The following ZFHX3 variants were observed in gnomAD, a reference collection of about 807,000 sequenced individuals.
The protein encoded by ZFHX3 is zinc finger homeobox protein 3.
ZFHX3 carries 42 observed loss-of-function variants against 279.1 expected under a neutral mutation model. That is an observed-to-expected ratio of 0.15 (90% CI 0.12 to 0.19). ZFHX3 has a LOEUF of 0.19. Among genes scored for constraint, ZFHX3 ranks in the 10% least tolerant of loss-of-function variants. ZFHX3 has a pLI of 1.00. For synonymous variants in ZFHX3, 2,293 were observed against 1,957.8 expected, an observed-to-expected ratio of 1.17 and a Z score of -4.52; for missense variants, 4,981 against 4,754.0, an observed-to-expected ratio of 1.05 and a Z score of -1.40.
intron 7 of ZFHX3, among the ~76,000 whole-genome samples, chr16:72,810,134 T>C (rs1401715382): frequency 6.6e-6 from 1 of 152,120 alleles, no homozygotes; most frequent in Non-Finnish European, 1.5e-5. Flanking sequence ...TCCACCCACC[T>C]TGGCCTCCCA....
intron 2 of ZFHX3, among the ~76,000 whole-genome samples, chr16:73,473,076 CATGCCTCT>C (rs1396058937): frequency 6.6e-6 from 1 of 151,170 alleles, no homozygotes; most frequent in Non-Finnish European, 1.5e-5. Flanking sequence ...CACAGTGGCT[CATGCCTCT>C]ATTCCCACCA....
chr16:73,024,591 C>T (rs150959132), intron 1 of ZFHX3, among the ~76,000 whole-genome samples: 4 of 152,348 alleles, frequency 2.6e-5, no homozygotes, highest in Non-Finnish European at 5.9e-5. Context: ...AAAACGAAAT[C>T]TCACCAGCAC....
At chr16:73,608,821 TA>T (rs988475745) in intron 2 of ZFHX3, 2 of 152,102 alleles carry the variant, frequency 1.3e-5, no homozygotes, top group African/African-American at 4.8e-5. Context: ...AAGGTATTTT[TA>T]AAAAAACAAC....
At chr16:73,053,595 G>C (rs4788697) in intron 1 of ZFHX3, among the ~76,000 whole-genome samples, 1 of 151,852 alleles carries the variant, frequency 6.6e-6, no homozygotes, top group Non-Finnish European at 1.5e-5. Flanking sequence ...GAATCACTGC[G>C]TGCCATGAAA....
intron 1 of ZFHX3, among the ~76,000 whole-genome samples, chr16:73,782,446 A>G (rs184434062): frequency 6.6e-6 from 1 of 152,336 alleles, no homozygotes; most frequent in Admixed American, 6.5e-5. Flanking sequence ...ATGAGCAGCT[A>G]TTTAAGGTCC....
intron 2 of ZFHX3, among the ~76,000 whole-genome samples, chr16:73,470,399 G>C (rs1022163238): frequency 3.9e-5 from 6 of 152,146 alleles, no homozygotes; most frequent in African/African-American, 1.2e-4. Flanking sequence ...TTAGCGTGTT[G>C]TCTGCTAAAC....
chr16:73,469,647 T>C (rs1383429514), intron 2 of ZFHX3, among the ~76,000 whole-genome samples: 3 of 151,820 alleles, frequency 2.0e-5, no homozygotes, highest in Non-Finnish European at 4.4e-5. Context: ...AGACAGAATC[T>C]CACTCTGTCA....
intron 3 of ZFHX3, among the ~76,000 whole-genome samples, chr16:72,905,530 C>T (rs1036246707): frequency 6.6e-6 from 1 of 152,102 alleles, no homozygotes; most frequent in Non-Finnish European, 1.5e-5. Flanking sequence ...ATCTGAGCAC[C>T]ATCGAGACGA....
At chr16:73,799,648 T>G (rs1199163795) in intron 1 of ZFHX3, among the ~76,000 whole-genome samples, 1 of 152,140 alleles carries the variant, frequency 6.6e-6, no homozygotes, top group Non-Finnish European at 1.5e-5. Context: ...AAGAAAGGGA[T>G]GCAGGAAAGC....
intron 1 of ZFHX3, among the ~76,000 whole-genome samples, chr16:73,780,250 TGA>T (rs1959419659): frequency 6.8e-6 from 1 of 147,282 alleles, no homozygotes. Context: ...TGGGTTCAAG[TGA>T]TTCTTGTGCC....
chr16:73,433,004 T>C (rs1567482572), intron 3 of ZFHX3, among the ~76,000 whole-genome samples: 1 of 152,194 alleles, frequency 6.6e-6, no homozygotes, highest in Non-Finnish European at 1.5e-5. Flanking sequence ...GAATAACTCC[T>C]GGCCAAGCCA....
At chr16:73,703,162 C>T (rs1273360002) in intron 1 of ZFHX3, among the ~76,000 whole-genome samples, 3 of 152,144 alleles carry the variant, frequency 2.0e-5, no homozygotes, top group Non-Finnish European at 4.4e-5. Context: ...GCTTTCCTGC[C>T]TCTTTTGTTT....
At chr16:72,836,571 G>A (rs1041297043) in intron 4 of ZFHX3, among the ~76,000 whole-genome samples, 1 of 151,986 alleles carries the variant, frequency 6.6e-6, no homozygotes, top group South Asian at 2.1e-4. Flanking sequence ...CTTAGTAAAG[G>A]TGACTGCATG....
intron 3 of ZFHX3, among the ~76,000 whole-genome samples, chr16:73,441,948 C>T (rs1041989108): frequency 3.3e-5 from 5 of 152,244 alleles, no homozygotes; most frequent in East Asian, 1.9e-4. Flanking sequence ...TGGTGGAATG[C>T]GACATCGTGT....
intron 1 of ZFHX3, among the ~76,000 whole-genome samples, chr16:73,804,878 C>T (rs1960232500): frequency 1.5e-5 from 2 of 130,664 alleles, no homozygotes; most frequent in Non-Finnish European, 3.1e-5. Context: ...ACACCACACA[C>T]ACACACCCAC....
chr16:73,023,660 C>T lies in ZFHX3; in HGVS notation c.-50+24092G>A, dbSNP rs561028976. The stretch of plus-strand genomic sequence containing the variant: ...GTAGGACCCTCTGCTTTGCAGAAAA[C>T]CAGCGCTTAGAAAAGGCTTAAAGTG... On this transcript the variant is annotated intron_variant, in intron 1 of 9. Transcript: ENST00000268489. Among the ~76,000 whole-genome samples the T allele has an allele frequency of 2.0e-5, 3 of 152,232 alleles. No individual in the cohort carries two copies. In the South Asian group the frequency reaches 6.2e-4, roughly 32 times the overall value.
intron 4 of ZFHX3, among the ~76,000 whole-genome samples, chr16:73,292,928 C>G (rs767581501): frequency 6.6e-6 from 1 of 152,226 alleles, no homozygotes; most frequent in Non-Finnish European, 1.5e-5. Flanking sequence ...GGTAGACAGT[C>G]TGCTGACAGT....
intron 4 of ZFHX3, among the ~76,000 whole-genome samples, chr16:73,282,136 C>A (rs956426768): frequency 9.9e-5 from 15 of 152,114 alleles, no homozygotes; most frequent in Non-Finnish European, 1.5e-4. Flanking sequence ...CACAGTTTTC[C>A]CTTTGTATTT....
At chr16:72,930,591 GAGC>G (rs1959733612) in intron 3 of ZFHX3, among the ~76,000 whole-genome samples, 2 of 152,154 alleles carry the variant, frequency 1.3e-5, no homozygotes, top group African/African-American at 4.8e-5. Flanking sequence ...AAGGGCTATG[GAGC>G]AGACAATAGC....
Sources: gnomAD v4.1 joint callset for allele counts (sites outside exome capture counted in the v4.1 genomes callset) on GRCh38, gnomAD v4.1.1 for gene constraint, MANE v1.5 for transcripts, NCBI Gene and HGNC (gene_info 2026-07-23, HGNC 2026-07-21) for gene names.